The following FRMPD2 variants were observed in gnomAD, a reference collection of about 807,000 sequenced individuals.
The protein encoded by FRMPD2 is FERM and PDZ domain containing 2.
A neutral mutation model predicts 140.1 loss-of-function variants in FRMPD2; 96 were observed. That is an observed-to-expected ratio of 0.69 (90% confidence interval 0.58 to 0.81). The LOEUF is 0.81. Among genes scored for constraint, FRMPD2 ranks in the 40% least tolerant of loss-of-function variants. The pLI is 0.00. For synonymous variants in FRMPD2, 449 were observed against 547.6 expected (o/e 0.82, Z 2.52); for missense variants, 1,240 against 1,447.4 (o/e 0.86, Z 2.32).
At chr10:48,229,832 T>C (rs564818572) in intron 10 of FRMPD2, among the ~76,000 whole-genome samples, 1 of 152,248 alleles carries the variant, frequency 6.6e-6, no homozygotes, top group Non-Finnish European at 1.5e-5. Context: ...CTAAACGCAT[T>C]TGCAATCAGC....
intron 28 of FRMPD2, chr10:48,159,008 A>G (rs1837863778): frequency 2.9e-6 from 1 of 348,828 alleles, no homozygotes; most frequent in Non-Finnish European, 5.6e-6. Context: ...GGAAATTCAT[A>G]GAAGCAGATT....
intron 1 of FRMPD2, among the ~76,000 whole-genome samples, chr10:48,271,714 C>G (rs371124166): frequency 1.1e-4 from 16 of 152,292 alleles, no homozygotes; most frequent in African/African-American, 3.1e-4. Flanking sequence ...GAATCAGCCT[C>G]GAAAGCAGAC....
In FRMPD2 at chr10:48,274,528, G is replaced by C; in HGVS notation, c.25+15C>G. On this transcript the variant is annotated intron_variant, in intron 1 of 28. Coordinates refer to ENST00000374201, the MANE Select transcript of FRMPD2 (RefSeq NM_001018071.4). Reference sequence around the variant, plus strand: ...CCAGATTTATAGGAGAAAACTGAATGATGCCAAGGAATACCTGCGTCCTTC... The same window carrying C: ...CCAGATTTATAGGAGAAAACTGAATCATGCCAAGGAATACCTGCGTCCTTC... 1.2e-6 allele frequency: 2 copies of C among 1,613,544 alleles called. No homozygotes were observed. Among genetic ancestry groups the C allele is most frequent in the South Asian group, 2.2e-5 (2 of 91,064 alleles).
chr10:48,273,361 T>C (rs1840800667), intron 1 of FRMPD2, among the ~76,000 whole-genome samples: 2 of 152,210 alleles, frequency 1.3e-5, no homozygotes, highest in Admixed American at 6.5e-5. Context: ...CTCTGGGCCA[T>C]AGAAGGCCTT....
chr10:48,267,009 G>A (rs1014173560), intron 1 of FRMPD2, among the ~76,000 whole-genome samples: 13 of 150,836 alleles, frequency 8.6e-5, no homozygotes, highest in Non-Finnish European at 1.6e-4. Context: ...GAGAGACTGA[G>A]TGGGGGGTCT....
intron 1 of FRMPD2, among the ~76,000 whole-genome samples, chr10:48,260,979 A>C (rs1056142279): frequency 6.6e-6 from 1 of 152,240 alleles, no homozygotes; most frequent in Admixed American, 6.5e-5. Flanking sequence ...AAAAGTTAGC[A>C]ATCAACAGCA....
At chr10:48,162,918 TAAA>T (rs71023202) in intron 28 of FRMPD2, among the ~76,000 whole-genome samples, 1,739 of 98,904 alleles carry the variant, frequency 0.018, 75 homozygotes, top group African/African-American at 0.064. Flanking sequence ...ACCCCATCTT[TAAA>T]AAAAAAAAAA....
At chr10:48,226,137 C>G (rs1164736270) in intron 10 of FRMPD2, among the ~76,000 whole-genome samples, 1 of 152,138 alleles carries the variant, frequency 6.6e-6, no homozygotes, top group Non-Finnish European at 1.5e-5. Context: ...ATTTGAACTG[C>G]CCAAGCTTGT....
rs72792232 is a variant in FRMPD2 at position 48,219,035 on chromosome 10, T to C, written c.1455+3278A>G. Among the ~76,000 whole-genome samples the C allele has an allele frequency of 2.9e-3, 447 of 152,206 alleles. 1 individual carries two copies. The highest frequency in any genetic ancestry group is 4.1e-3 in the Non-Finnish European group (282 of 68,006). ...GCGAAAAAGTATCCAGAGGGTCCAC[T>C]TGTGGGGCCAGGAACTCTAGGGGGT... On this transcript the variant is annotated intron_variant, in intron 12 of 28. Transcript: ENST00000374201.
In FRMPD2 at chr10:48,185,592, C is replaced by A. The variant is rs1338086579; in HGVS notation, c.2320G>T (p.Val774Leu). 1.9e-6 allele frequency: 3 copies of A among 1,614,000 alleles called. No homozygotes were observed. Among genetic ancestry groups the A allele is most frequent in the African/African-American group, 2.7e-5 (2 of 74,898 alleles). ...SFIAEPGREI[V>L]RVTLKRDPHR... ...GGGTCACGTTTCAGTGTCACACGTACAATTTCTCGGCCCGGTTCAGCTATA... is the reference window on the plus strand; with the variant it reads ...GGGTCACGTTTCAGTGTCACACGTAAAATTTCTCGGCCCGGTTCAGCTATA... Residue 774 changes from valine to leucine, a missense_variant, in exon 18 of 29, where the codon GTA becomes TTA. This residue lies in a region of FRMPD2 where 1,161 missense variants were observed against 1,055.9 expected (regional missense o/e 1.10). Coordinates refer to ENST00000374201, the MANE Select transcript of FRMPD2 (RefSeq NM_001018071.4).
intron 15 of FRMPD2, among the ~76,000 whole-genome samples, chr10:48,196,181 A>G (rs1838944771): frequency 6.6e-6 from 1 of 152,230 alleles, no homozygotes; most frequent in Non-Finnish European, 1.5e-5. Flanking sequence ...GCTGGCATGA[A>G]AAACAGCCAG....
At chr10:48,219,712 C>A (rs1332426339) in intron 12 of FRMPD2, among the ~76,000 whole-genome samples, 1 of 152,170 alleles carries the variant, frequency 6.6e-6, no homozygotes, top group Non-Finnish European at 1.5e-5. Context: ...TAATCCTTCC[C>A]TATTAATAGG....
At chr10:48,171,304 T>C (rs540122076) in intron 25 of FRMPD2, 96 bp from the exon 26 acceptor site, 25 of 718,536 alleles carry the variant, frequency 3.5e-5, no homozygotes, top group African/African-American at 3.5e-4. Flanking sequence ...GATGAATTAT[T>C]TCTTTTACGT....
At chr10:48,251,088 C>A (rs1180453768) in intron 2 of FRMPD2, among the ~76,000 whole-genome samples, 1 of 152,080 alleles carries the variant, frequency 6.6e-6, no homozygotes, top group East Asian at 1.9e-4. Flanking sequence ...CAGGTGTGAG[C>A]CACCGTGCCC....
intron 15 of FRMPD2, among the ~76,000 whole-genome samples, chr10:48,194,161 G>A (rs1436330799): frequency 2.0e-5 from 3 of 152,220 alleles, no homozygotes; most frequent in Non-Finnish European, 4.4e-5. Flanking sequence ...GTGGTGGGAA[G>A]CACATTATCT....
Position 48,178,141 on chromosome 10 carries a change from G to A in FRMPD2, c.2801C>T (p.Ser934Phe), listed in dbSNP as rs200783524. 8.5e-6 allele frequency: 13 copies of A among 1,525,394 alleles called. No individual in the cohort carries two copies. The highest frequency in any genetic ancestry group is 1.4e-5 in the African/African-American group (1 of 72,840). 94.5% of individuals were successfully genotyped at this position (1,525,394 alleles called of 1,614,324 possible). ...TTCTGGAGGTGATGGAGGACAAGAAGAACCAGCACCCTGCCATAAACAAAC... is the reference window on the plus strand; with the variant it reads ...TTCTGGAGGTGATGGAGGACAAGAAAAACCAGCACCCTGCCATAAACAAAC... Reference protein sequence around the residue: ...LSFLPLKGAGSSCPPSPPEIS... With the variant: ...LSFLPLKGAGFSCPPSPPEIS... Residue 934 changes from serine (S) to phenylalanine (F), a missense_variant, in exon 22 of 29, where the codon TCT becomes TTT. Physicochemically the swap from Ser to Phe is radical, Grantham distance 155. Transcript: ENST00000374201.
rs1840480825 is a variant in FRMPD2 at position 48,255,963 on chromosome 10, C to T, written c.26-4272G>A. ...CCCATCTGCCCGCAGACCTCTTAGGCCAAGAAAAAGAGTTTGCATTTTGGC... is the reference window on the plus strand; with the variant it reads ...CCCATCTGCCCGCAGACCTCTTAGGTCAAGAAAAAGAGTTTGCATTTTGGC... On this transcript the variant is annotated intron_variant, in intron 1 of 28. Transcript: ENST00000374201. Among the ~76,000 whole-genome samples the T allele has an allele frequency of 2.0e-5, 3 of 152,158 alleles. No individual in the cohort carries two copies. In the South Asian group the frequency reaches 6.2e-4, roughly 32 times the overall value.
At chr10:48,200,896 T>C (rs1269696412) in intron 15 of FRMPD2, among the ~76,000 whole-genome samples, 2 of 152,236 alleles carry the variant, frequency 1.3e-5, no homozygotes, top group East Asian at 1.9e-4. Flanking sequence ...GCAACTTTTG[T>C]GTATGTCTCT....
intron 17 of FRMPD2, among the ~76,000 whole-genome samples, chr10:48,186,342 G>A (rs911208296): frequency 6.6e-6 from 1 of 152,194 alleles, no homozygotes; most frequent in Admixed American, 6.5e-5. Flanking sequence ...GAGTTGCCTG[G>A]CAGTTTTCCT....
Sources: allele counts gnomAD v4.1 joint callset (sites outside exome capture counted in the v4.1 genomes callset), GRCh38; gene constraint gnomAD v4.1.1; regional missense constraint gnomAD v4.1.1; transcripts MANE v1.5; gene names NCBI Gene and HGNC (gene_info 2026-07-23, HGNC 2026-07-21).